Variants in PRKD3 observed in about 807,000 individuals in gnomAD.
PRKD3 encodes the protein serine/threonine-protein kinase D3.
A neutral mutation model predicts 99.2 loss-of-function variants in PRKD3; 47 were observed. The ratio of observed to expected loss-of-function variants is 0.47; its 90% CI spans 0.38 to 0.60. PRKD3 has a LOEUF of 0.60. Ranked by LOEUF, PRKD3 falls within the 20% of genes least tolerant of loss-of-function variation. The pLI is 0.00. For synonymous variants in PRKD3, 392 were observed against 355.4 expected, an observed-to-expected ratio of 1.10 and a Z score of -1.16; for missense variants, 1,019 against 1,088.4, an observed-to-expected ratio of 0.94 and a Z score of 0.90.
chr2:37,304,796 T>C (rs17020490), intron 2 of PRKD3, among the ~76,000 whole-genome samples: 29,550 of 151,716 alleles, frequency 0.19, 3,855 homozygotes, highest in East Asian at 0.55. Context: ...GGAGCTGCTT[T>C]ATTTAACACC....
rs143445623 is a variant in PRKD3, at chr2:37,275,854, G to A, written c.1297-10C>T. On this transcript the variant is annotated splice_polypyrimidine_tract_variant and intron_variant, in intron 9 of 18. Transcript: ENST00000234179. ...AATAATGCCTCTTTCTCTATAAAAT[G>A]AAGATTGGAAAACTGTGAGGTTCAA... 1.0e-4 allele frequency: 163 copies of A among 1,602,346 alleles called. No homozygotes were observed. In the African/African-American group the frequency reaches 2.0e-3, roughly 20 times the overall value.
At chr2:37,283,739 C>T (rs1325027728) in intron 6 of PRKD3, among the ~76,000 whole-genome samples, 1 of 151,966 alleles carries the variant, frequency 6.6e-6, no homozygotes, top group East Asian at 1.9e-4. Context: ...GTAATTTCAG[C>T]ACTTTGGGAG....
At chr2:37,289,310 C>A (rs1558558530) in intron 5 of PRKD3, 46 bp downstream of exon 5, 1 of 1,589,990 alleles carries the variant, frequency 6.3e-7, no homozygotes, top group South Asian at 1.1e-5. Flanking sequence ...TGTAGAAACA[C>A]AGAGAATAAC....
At chr2:37,291,441 C>T (rs558831725) in intron 3 of PRKD3, among the ~76,000 whole-genome samples, 2 of 152,312 alleles carry the variant, frequency 1.3e-5, no homozygotes, top group African/African-American at 4.8e-5. Flanking sequence ...GTTTGTTCTC[C>T]ACAGTCCTAG....
At chr2:37,323,201 A>G (rs983669527) in intron 1 of PRKD3, among the ~76,000 whole-genome samples, 7 of 150,746 alleles carry the variant, frequency 4.6e-5, no homozygotes, top group African/African-American at 1.7e-4. Flanking sequence ...AATTTTCTCT[A>G]AAAGACTTAC....
At chr2:37,258,308 G>A (rs113347240) in intron 16 of PRKD3, among the ~76,000 whole-genome samples, 254 of 152,228 alleles carry the variant, frequency 1.7e-3, no homozygotes, top group Admixed American at 4.8e-3. Flanking sequence ...GCTGCTTCTC[G>A]ATTTCAGTGT....
At chr2:37,272,535 A>G (rs1669337747) in intron 11 of PRKD3, 103 bp from the exon 12 acceptor site, 1 of 1,382,028 alleles carries the variant, frequency 7.2e-7, no homozygotes, top group Admixed American at 3.0e-5. Context: ...AGTTTAGCAC[A>G]CAGTTAATAC....
At chr2:37,267,334 A>G (rs1265943836) in intron 14 of PRKD3, 96 bp downstream of exon 14, 1 of 813,634 alleles carries the variant, frequency 1.2e-6, no homozygotes, top group African/African-American at 1.8e-5. Context: ...CCATAATCTA[A>G]TTTTGCCTTC....
intron 2 of PRKD3, among the ~76,000 whole-genome samples, chr2:37,300,174 G>GA (rs1255803646): frequency 6.6e-6 from 1 of 152,138 alleles, no homozygotes; most frequent in Non-Finnish European, 1.5e-5. Context: ...ATACATGGTG[G>GA]AATATTATTC....
chr2:37,293,563 T>G (rs1433307608), intron 2 of PRKD3, among the ~76,000 whole-genome samples: 1 of 152,206 alleles, frequency 6.6e-6, no homozygotes, highest in Non-Finnish European at 1.5e-5. Context: ...GAATATAATC[T>G]TAAACTTACT....
chr2:37,281,866 A>C (rs1395953246), intron 7 of PRKD3, among the ~76,000 whole-genome samples: 1 of 152,236 alleles, frequency 6.6e-6, no homozygotes, highest in Admixed American at 6.5e-5. Flanking sequence ...AATTATGCTG[A>C]AAGTCTAGAG....
intron 12 of PRKD3, among the ~76,000 whole-genome samples, chr2:37,271,483 T>C (rs961931414): frequency 2.6e-5 from 4 of 152,222 alleles, no homozygotes; most frequent in Admixed American, 6.5e-5. Context: ...CATAGCTGCA[T>C]AGTTGTATAT....
At chr2:37,282,355 C>T (rs1028464910) in intron 7 of PRKD3, 187 bp downstream of exon 7, 6 of 540,114 alleles carry the variant, frequency 1.1e-5, no homozygotes, top group East Asian at 2.9e-5. Context: ...AGAGGAAAGA[C>T]GGGAAGGCGT....
chr2:37,261,992 C>A (rs1049465922), intron 14 of PRKD3, among the ~76,000 whole-genome samples: 1 of 151,914 alleles, frequency 6.6e-6, no homozygotes, highest in African/African-American at 2.4e-5. Context: ...ATGATTTTGC[C>A]CAACTGTAGG....
chr2:37,275,055 C>A (rs1256405777), intron 10 of PRKD3, among the ~76,000 whole-genome samples: 3 of 152,008 alleles, frequency 2.0e-5, no homozygotes, highest in Non-Finnish European at 4.4e-5. Context: ...AAGATATAGC[C>A]CCAAAGCAAG....
At chr2:37,260,652 C>T (rs1309522608) in intron 14 of PRKD3, among the ~76,000 whole-genome samples, 1 of 152,154 alleles carries the variant, frequency 6.6e-6, no homozygotes, top group Non-Finnish European at 1.5e-5. Flanking sequence ...ACTTTTCCTT[C>T]CTTCTCACTT....
At chr2:37,284,412 T>G (rs918879380) in intron 6 of PRKD3, among the ~76,000 whole-genome samples, 1 of 152,204 alleles carries the variant, frequency 6.6e-6, no homozygotes, top group African/African-American at 2.4e-5. Context: ...AAAAATTCAT[T>G]TGTATTTATT....
chr2:37,258,867 TATATAAACAATA>T (rs1334273800), intron 16 of PRKD3, among the ~76,000 whole-genome samples: 3 of 152,202 alleles, frequency 2.0e-5, no homozygotes, highest in African/African-American at 7.2e-5. Context: ...GTTTCAAATG[TATATAAACAATA>T]GTTTGGCAAC....
chr2:37,270,351 G>GA (rs11346799), intron 12 of PRKD3, among the ~76,000 whole-genome samples: 107,157 of 140,694 alleles, frequency 0.76, 40,808 homozygotes, highest in African/African-American at 0.82. Flanking sequence ...TTGATTTTTG[G>GA]AAAAAAAAAA....
Sources: gnomAD v4.1 joint callset for allele counts (sites outside exome capture counted in the v4.1 genomes callset) on GRCh38, gnomAD v4.1.1 for gene constraint, MANE v1.5 for transcripts, NCBI Gene and HGNC (gene_info 2026-07-23, HGNC 2026-07-21) for gene names.